The following MATN2 variants were observed in gnomAD, a reference collection of about 807,000 sequenced individuals.
The protein encoded by MATN2 is matrilin-2.
In MATN2, 69 loss-of-function variants were observed where a neutral mutation model predicts 103.2. The ratio of observed to expected loss-of-function variants is 0.67; its 90% CI spans 0.55 to 0.82. The LOEUF is 0.82. Ranked by LOEUF, MATN2 falls within the 40% of genes least tolerant of loss-of-function variation. The pLI, the probability that MATN2 is intolerant of heterozygous loss-of-function variation, is 0.00. For missense variants in MATN2, 1,023 were observed against 1,211.5 expected, an observed-to-expected ratio of 0.84 and a Z score of 2.31; for synonymous variants, 429 against 450.2, an observed-to-expected ratio of 0.95 and a Z score of 0.60.
intron 18 of MATN2, chr8:98,034,270 A>C (rs905025461): frequency 5.3e-5 from 23 of 430,308 alleles, no homozygotes; most frequent in Non-Finnish European, 9.4e-5. Context: ...AATAAAAGGA[A>C]TGCTTGGGGA....
intron 1 of MATN2, among the ~76,000 whole-genome samples, chr8:97,874,863 G>A (rs938690437): frequency 4.0e-5 from 6 of 151,600 alleles, no homozygotes; most frequent in South Asian, 2.1e-4. Context: ...GATTACAGGC[G>A]CGAGCCACCA....
intron 2 of MATN2, among the ~76,000 whole-genome samples, chr8:97,904,703 G>A (rs1819104604): frequency 6.6e-6 from 1 of 151,976 alleles, no homozygotes; most frequent in South Asian, 2.1e-4. Context: ...ATAAGGAAAG[G>A]CCAATCAGAC....
intron 18 of MATN2, among the ~76,000 whole-genome samples, chr8:98,034,670 C>G (rs1355028516): frequency 1.3e-5 from 2 of 152,138 alleles, no homozygotes; most frequent in Admixed American, 1.3e-4. Context: ...CAAAGTTCTA[C>G]TCACAAGAGA....
intron 1 of MATN2, among the ~76,000 whole-genome samples, chr8:97,883,228 T>C (rs1337983920): frequency 6.9e-6 from 1 of 145,500 alleles, no homozygotes; most frequent in Non-Finnish European, 1.5e-5. Flanking sequence ...GAGGTTGCAG[T>C]GAGCCAAGAT....
At chr8:97,973,294 C>A (rs950684761) in intron 5 of MATN2, among the ~76,000 whole-genome samples, 1 of 152,134 alleles carries the variant, frequency 6.6e-6, no homozygotes, top group Non-Finnish European at 1.5e-5. Flanking sequence ...ACATCCTCCC[C>A]CTTAGTTCCC....
chr8:97,973,352 C>G (rs916630722), intron 5 of MATN2, among the ~76,000 whole-genome samples: 1 of 152,130 alleles, frequency 6.6e-6, no homozygotes, highest in Non-Finnish European at 1.5e-5. Context: ...GAGTCAAGAT[C>G]CAGAGAAGCT....
At chr8:97,925,671 G>A (rs952241682) in intron 2 of MATN2, among the ~76,000 whole-genome samples, 3 of 152,134 alleles carry the variant, frequency 2.0e-5, no homozygotes, top group Non-Finnish European at 4.4e-5. Context: ...TCCCTATTTT[G>A]CAGAGGAAGA....
intron 5 of MATN2, among the ~76,000 whole-genome samples, chr8:97,975,910 A>G (rs1437486696): frequency 6.6e-6 from 1 of 152,152 alleles, no homozygotes; most frequent in Non-Finnish European, 1.5e-5. Flanking sequence ...GGTTCTTGAG[A>G]AATGAGAAAT....
chr8:97,976,660 G>T (rs1314256384), intron 5 of MATN2, among the ~76,000 whole-genome samples: 1 of 150,482 alleles, frequency 6.6e-6, no homozygotes, highest in African/African-American at 2.4e-5. Flanking sequence ...ACTTTTTTTT[G>T]AAAAGGGACT....
chr8:97,956,495 A>G (rs1216531618), intron 4 of MATN2, among the ~76,000 whole-genome samples: 2 of 152,196 alleles, frequency 1.3e-5, no homozygotes, highest in Non-Finnish European at 2.9e-5. Context: ...AACTGCATGC[A>G]GATTAAGAGG....
chr8:97,988,805 A>G (rs561343977), intron 6 of MATN2, among the ~76,000 whole-genome samples: 1 of 152,320 alleles, frequency 6.6e-6, no homozygotes, highest in Non-Finnish European at 1.5e-5. Context: ...TATTCCAAAA[A>G]ATTGAAGAAG....
At chr8:97,952,718 A>G (rs1242574100) in intron 4 of MATN2, among the ~76,000 whole-genome samples, 1 of 152,138 alleles carries the variant, frequency 6.6e-6, no homozygotes, top group Non-Finnish European at 1.5e-5. Context: ...ACAAGCGAGC[A>G]GATTTTGCTG....
intron 4 of MATN2, among the ~76,000 whole-genome samples, chr8:97,953,535 C>G (rs1464469690): frequency 6.6e-6 from 1 of 152,142 alleles, no homozygotes; most frequent in Non-Finnish European, 1.5e-5. Flanking sequence ...GCCTGTAATC[C>G]CAGCACTTTG....
rs748138634 is a variant in MATN2, at chr8:97,931,131, T to C, written c.321T>C (p.Asn107=). 2 of 1,613,886 alleles carry C rather than the reference T, an allele frequency of 1.2e-6. No homozygotes were observed. Among genetic ancestry groups the C allele is most frequent in the African/African-American group, 2.7e-5 (2 of 74,924 alleles). Residue 107 remains asparagine, a synonymous_variant, in exon 3 of 19, where the codon AAT becomes AAC. Coordinates refer to ENST00000254898, the MANE Select transcript of MATN2 (RefSeq NM_002380.5). The surrounding 1 kb of genome is among the most constrained non-coding windows in gnomAD (Gnocchi z 4.1). ...GLLQYGSTVK[N]EFSLKTFKRK... ...TCCAATATGGCAGCACTGTCAAGAATGAGTTCTCCCTCAAGACCTTCAAGA... is the reference window on the plus strand; with the variant it reads ...TCCAATATGGCAGCACTGTCAAGAACGAGTTCTCCCTCAAGACCTTCAAGA...
intron 4 of MATN2, among the ~76,000 whole-genome samples, chr8:97,944,167 G>A (rs1586074434): frequency 6.6e-6 from 1 of 152,312 alleles, no homozygotes; most frequent in East Asian, 1.9e-4. Flanking sequence ...AAACTTCAGT[G>A]ACTAAGAATG....
rs79727778 is a variant in MATN2, at chr8:97,872,306, A to C, written c.-27+3019A>C. 2.6e-5 allele frequency among the ~76,000 whole-genome samples: 4 copies of C among 152,340 alleles called. No homozygotes were observed. The East Asian group carries it at 7.7e-4, about 29-fold the overall frequency. ...TAAAAATCAGCGGCTGAGCAGGTGG[A>C]TCAGCTAACATTTTTGGAAAGTTAT... is the stretch of plus-strand genomic sequence containing the variant. On this transcript the variant is annotated intron_variant, in intron 1 of 18. Transcript: ENST00000254898.
intron 3 of MATN2, among the ~76,000 whole-genome samples, chr8:97,932,824 G>C (rs1201362075): frequency 6.6e-6 from 1 of 152,164 alleles, no homozygotes; most frequent in Non-Finnish European, 1.5e-5. Flanking sequence ...GGGAAATAAA[G>C]GGAAATAATC....
At chr8:98,004,375 T>C (rs1305789854) in intron 8 of MATN2, 1 of 154,754 alleles carries the variant, frequency 6.5e-6, no homozygotes, top group East Asian at 1.9e-4. Context: ...ATATTAGTAT[T>C]TGCTGTTAAG....
intron 4 of MATN2, among the ~76,000 whole-genome samples, chr8:97,945,111 G>A (rs1810701368): frequency 1.3e-5 from 2 of 152,132 alleles, no homozygotes; most frequent in Admixed American, 1.3e-4. Context: ...ATTTTTGCAT[G>A]GGAGTGAATC....
Sources: gnomAD v4.1 joint callset for allele counts (sites outside exome capture counted in the v4.1 genomes callset) on GRCh38, gnomAD v4.1.1 for gene constraint, Gnocchi (gnomAD v3.1) non-coding constraint, MANE v1.5 for transcripts, NCBI Gene and HGNC (gene_info 2026-07-23, HGNC 2026-07-21) for gene names.